MEI4: variants seen among roughly 807,000 people sequenced by gnomAD.
MEI4 encodes meiosis-specific protein MEI4.
MEI4 carries 27 observed loss-of-function variants against 31.4 expected under a neutral mutation model. That is an observed-to-expected ratio of 0.86 (90% CI 0.63 to 1.19). MEI4 has a LOEUF of 1.19. MEI4 is among the 50% of genes most tolerant of loss of function. The pLI is 0.00. For missense variants in MEI4, 329 were observed against 398.9 expected, an observed-to-expected ratio of 0.82 and a Z score of 1.49; for synonymous variants, 122 against 145.4, an observed-to-expected ratio of 0.84 and a Z score of 1.16.
intron 3 of MEI4, among the ~76,000 whole-genome samples, chr6:77,798,941 C>A (rs1013479334): frequency 4.0e-5 from 6 of 151,690 alleles, no homozygotes; most frequent in Non-Finnish European, 8.8e-5. Context: ...TGAATAATGC[C>A]GCAATAAACA....
At chr6:77,660,680 T>C (rs1768488179) in intron 1 of MEI4, among the ~76,000 whole-genome samples, 1 of 152,104 alleles carries the variant, frequency 6.6e-6, no homozygotes, top group African/African-American at 2.4e-5. Context: ...TTACTGTTCT[T>C]CAGAAATACG....
At chr6:77,831,493 GAATA>G (rs1284541110) in intron 4 of MEI4, among the ~76,000 whole-genome samples, 8 of 149,636 alleles carry the variant, frequency 5.3e-5, no homozygotes, top group African/African-American at 1.7e-4. Context: ...CTAAATGAAT[GAATA>G]AAGATAATTT....
intron 4 of MEI4, among the ~76,000 whole-genome samples, chr6:77,911,146 C>T (rs1273093163): frequency 1.3e-5 from 2 of 151,892 alleles, no homozygotes; most frequent in African/African-American, 2.4e-5. Flanking sequence ...GCTTGAGTTT[C>T]TTGCATACTC....
chr6:77,859,039 C>T (rs1169448609), intron 4 of MEI4, among the ~76,000 whole-genome samples: 3 of 152,126 alleles, frequency 2.0e-5, no homozygotes, highest in Non-Finnish European at 4.4e-5. Context: ...CACCCTGCAA[C>T]AGGCCCTGAT....
intron 2 of MEI4, among the ~76,000 whole-genome samples, chr6:77,739,907 G>A (rs1374242864): frequency 6.6e-6 from 1 of 152,010 alleles, no homozygotes; most frequent in Non-Finnish European, 1.5e-5. Flanking sequence ...ATTAAATTGA[G>A]ATCTTTCTAA....
At chr6:77,681,782 T>C (rs1323828263) in intron 1 of MEI4, among the ~76,000 whole-genome samples, 1 of 152,190 alleles carries the variant, frequency 6.6e-6, no homozygotes, top group East Asian at 1.9e-4. Context: ...TTGATTTGTT[T>C]TGATGGGAAC....
At chr6:77,734,146 G>T (rs565982459) in intron 2 of MEI4, among the ~76,000 whole-genome samples, 8 of 151,890 alleles carry the variant, frequency 5.3e-5, no homozygotes, top group African/African-American at 1.2e-4. Context: ...TATTAGGTCC[G>T]CTTGGTGCAG....
chr6:77,796,807 A>G lies in MEI4; in HGVS notation c.769-32124A>G, dbSNP rs145357050. ...CAGTGCCATCCACATTAAAATTCCA[A>G]AGGTGCCTTTCACTGAAATATAAAA... is the stretch of plus-strand genomic sequence containing the variant. On this transcript the variant is annotated intron_variant, in intron 3 of 4. Transcript: ENST00000684080. 6.9e-4 allele frequency among the ~76,000 whole-genome samples: 105 copies of G among 152,322 alleles called. 2 individuals are homozygous for G. In the East Asian group the frequency reaches 0.019, roughly 28 times the overall value.
chr6:77,889,086 T>C (rs1223786785), intron 4 of MEI4, among the ~76,000 whole-genome samples: 1 of 152,182 alleles, frequency 6.6e-6, no homozygotes, highest in Non-Finnish European at 1.5e-5. Flanking sequence ...TATTTCTTCA[T>C]AGCAGCATTA....
intron 4 of MEI4, among the ~76,000 whole-genome samples, chr6:77,867,986 C>T (rs1016529253): frequency 4.0e-5 from 6 of 151,446 alleles, no homozygotes; most frequent in African/African-American, 1.2e-4. Context: ...CCAAACACCG[C>T]ATGTTCTCAC....
chr6:77,873,606 G>T (rs374158343), intron 4 of MEI4, among the ~76,000 whole-genome samples: 40 of 151,682 alleles, frequency 2.6e-4, no homozygotes, highest in Admixed American at 7.2e-4. Context: ...CTCTTTAGTT[G>T]AATTAGATCC....
intron 3 of MEI4, among the ~76,000 whole-genome samples, chr6:77,794,380 G>A (rs1214433596): frequency 2.0e-5 from 3 of 152,116 alleles, no homozygotes; most frequent in Admixed American, 2.0e-4. Flanking sequence ...TGGCTAACAC[G>A]GTGAAATCCC....
chr6:77,905,033 T>A (rs992629164), intron 4 of MEI4, among the ~76,000 whole-genome samples: 7 of 152,172 alleles, frequency 4.6e-5, no homozygotes, highest in African/African-American at 1.7e-4. Flanking sequence ...ATAGCATCAT[T>A]TTCTTACCTT....
intron 2 of MEI4, among the ~76,000 whole-genome samples, chr6:77,752,249 G>T (rs1321449267): frequency 2.6e-5 from 4 of 152,200 alleles, no homozygotes; most frequent in African/African-American, 9.7e-5. Context: ...ATTCAAGATA[G>T]TTTTGGAAGT....
intron 2 of MEI4, among the ~76,000 whole-genome samples, chr6:77,751,557 C>G (rs1358360001): frequency 1.3e-5 from 2 of 152,064 alleles, no homozygotes; most frequent in East Asian, 3.9e-4. Flanking sequence ...CCTCCCGAGA[C>G]TAAACCAGGA....
chr6:77,713,180 C>G (rs1766505115), intron 2 of MEI4, among the ~76,000 whole-genome samples: 1 of 152,072 alleles, frequency 6.6e-6, no homozygotes, highest in South Asian at 2.1e-4. Flanking sequence ...TACACACTCT[C>G]CTGTTCTGAA....
At chr6:77,727,461 C>G (rs1766857445) in intron 2 of MEI4, among the ~76,000 whole-genome samples, 1 of 152,130 alleles carries the variant, frequency 6.6e-6, no homozygotes, top group Non-Finnish European at 1.5e-5. Flanking sequence ...ACAGTCTGAA[C>G]TATTGATTCC....
At chr6:77,700,166 T>A (rs533813266) in intron 2 of MEI4, among the ~76,000 whole-genome samples, 3 of 152,332 alleles carry the variant, frequency 2.0e-5, no homozygotes, top group Admixed American at 2.0e-4. Flanking sequence ...TGCTGTCTTT[T>A]TGTTTGTCTG....
intron 2 of MEI4, among the ~76,000 whole-genome samples, chr6:77,752,129 A>G (rs1012092499): frequency 1.3e-5 from 2 of 152,178 alleles, no homozygotes; most frequent in Admixed American, 1.3e-4. Context: ...CAAAATAATA[A>G]GAGCTATTTA....
Sources: gnomAD v4.1 joint callset for allele counts (sites outside exome capture counted in the v4.1 genomes callset) on GRCh38, gnomAD v4.1.1 for gene constraint, MANE v1.5 for transcripts, NCBI Gene and HGNC (gene_info 2026-07-23, HGNC 2026-07-21) for gene names.